The following NDRG2 variants were observed in gnomAD, a reference collection of about 807,000 sequenced individuals.
NDRG2 encodes the protein protein NDRG2.
In NDRG2, 34 loss-of-function variants were observed where a neutral mutation model predicts 58.2. The observed-to-expected ratio is 0.58, with a 90% CI of 0.44 to 0.78. The LOEUF is 0.78. Among genes scored for constraint, NDRG2 ranks in the 30% least tolerant of loss-of-function variants. The probability of loss-of-function intolerance (pLI) is 0.00; values close to 1 mark genes in which losing one functional copy is unlikely to be tolerated. For synonymous variants in NDRG2, 187 were observed against 175.9 expected, an observed-to-expected ratio of 1.06 and a Z score of -0.50; for missense variants, 434 against 471.2, an observed-to-expected ratio of 0.92 and a Z score of 0.73.
chr14:21,062,227 G>T (rs1885998767), intron 1 of NDRG2, among the ~76,000 whole-genome samples: 1 of 152,214 alleles, frequency 6.6e-6, no homozygotes, highest in Non-Finnish European at 1.5e-5. Flanking sequence ...CTACAAGACC[G>T]ATTCATGTTC....
chr14:21,048,305 A>G (rs767622143), intron 1 of NDRG2: 5 of 152,170 alleles, frequency 3.3e-5, no homozygotes, highest in Non-Finnish European at 1.5e-5. Flanking sequence ...ACATCCACGG[A>G]GCCACAGGGA....
intron 1 of NDRG2, among the ~76,000 whole-genome samples, chr14:21,049,185 C>G (rs1169026908): frequency 6.6e-6 from 1 of 152,152 alleles, no homozygotes; most frequent in Non-Finnish European, 1.5e-5. Flanking sequence ...GTGACATTTC[C>G]AACTTCCCCT....
At chr14:21,026,889 C>T (rs1003856360), upstream of NDRG2, among the ~76,000 whole-genome samples, 1 of 152,232 alleles carries the variant, frequency 6.6e-6, no homozygotes, top group Non-Finnish European at 1.5e-5. Context: ...GCCAAAGGTG[C>T]GCAAGACAGG....
intron 1 of NDRG2, chr14:21,058,416 C>T: frequency 4.0e-6 from 5 of 1,263,606 alleles, no homozygotes; most frequent in Non-Finnish European, 5.6e-6. Context: ...GCTTTTCCTC[C>T]CTCCAGTTCG....
Position 21,018,058 on chromosome 14 carries a change from C to A in NDRG2, c.898-20G>T, listed in dbSNP as rs1395766721. ...GCCTGGCTGCGGAAGTAAGAAGAGG[C>A]GAGGGAGACGGTGAGATGAGGTTAG... On this transcript the variant is annotated intron_variant, in intron 14 of 15. Transcript: ENST00000556147. 7 of 1,611,960 alleles carry A rather than the reference C, an allele frequency of 4.3e-6. No homozygotes were observed. The highest frequency in any genetic ancestry group is 5.9e-6 in the Non-Finnish European group (7 of 1,178,092).
At chr14:21,032,184 T>C in intron 1 of NDRG2, 6 of 1,180,354 alleles carry the variant, frequency 5.1e-6, no homozygotes, top group Non-Finnish European at 7.5e-6. Context: ...AATCTCTGTC[T>C]GTGAGGGACA....
chr14:21,020,444 C>T (rs1879532040), intron 8 of NDRG2, 52 bp downstream of exon 8: 1 of 1,432,286 alleles, frequency 7.0e-7, no homozygotes, highest in Non-Finnish European at 9.7e-7. Flanking sequence ...CTAACTGGAT[C>T]CATACGAGGG....
At chr14:21,018,065 G>C in intron 14 of NDRG2, 27 bp from the exon 15 acceptor site, 2 of 1,611,108 alleles carry the variant, frequency 1.2e-6, no homozygotes, top group Non-Finnish European at 1.7e-6. Flanking sequence ...AGGCGAGGGA[G>C]ACGGTGAGAT....
intron 1 of NDRG2, among the ~76,000 whole-genome samples, chr14:21,041,646 A>G (rs1179701599): frequency 6.6e-6 from 1 of 152,238 alleles, no homozygotes; most frequent in Non-Finnish European, 1.5e-5. Context: ...CGAGAGCAGC[A>G]ACAGCATTTT....
intron 1 of NDRG2, among the ~76,000 whole-genome samples, chr14:21,045,015 G>A (rs1354801939): frequency 6.6e-6 from 1 of 152,192 alleles, no homozygotes; most frequent in Non-Finnish European, 1.5e-5. Flanking sequence ...TAGGATTCCA[G>A]GTAAAGATGT....
At chr14:21,034,155 G>C (rs1270787838) in intron 1 of NDRG2, 2 of 1,614,108 alleles carry the variant, frequency 1.2e-6, no homozygotes, top group Non-Finnish European at 1.7e-6. Flanking sequence ...GAAACCCTTT[G>C]GGTAGTTAAC....
intron 1 of NDRG2, chr14:21,033,462 T>TGGTGTGA (rs1159968816): frequency 3.1e-6 from 1 of 317,688 alleles, no homozygotes; most frequent in Non-Finnish European, 6.0e-6. Flanking sequence ...CCTGTTGCCA[T>TGGTGTGA]GGTGTGAGCT....
intron 1 of NDRG2, among the ~76,000 whole-genome samples, chr14:21,069,544 A>C (rs1423421235): frequency 6.6e-6 from 1 of 152,210 alleles, no homozygotes; most frequent in Non-Finnish European, 1.5e-5. Flanking sequence ...CCCCTACATA[A>C]GCATCCCGAT....
At position 21,019,125 on chromosome 14, in the gene NDRG2, A is replaced by G. The variant is rs1248012753; in HGVS notation, c.752T>C (p.Ile251Thr). The G allele has an allele frequency of 6.2e-7, 1 of 1,611,086 alleles. No individual in the cohort carries two copies. Among genetic ancestry groups the G allele is most frequent in the Admixed American group, 1.7e-5 (1 of 59,094 alleles). The change falls in exon 11 of 16, where the codon ATC becomes ACC. Residue 251 changes from isoleucine (I) to threonine (T), a missense_variant. By Grantham distance (89) the Ile-to-Thr change is moderately conservative. Coordinates refer to ENST00000556147, the MANE Select transcript of NDRG2 (RefSeq NM_001320329.2). ...RDLNFERGGD[I>T]TLRCPVMLVV... is the part of the protein sequence containing the mutation. ...TCTCTTAAAGTCTTACCTGAGGGTG[A>G]TATCACCTCCACGCTCAAAGTTCAG...
At chr14:21,032,444 A>T (rs1048147720) in intron 1 of NDRG2, 2 of 411,886 alleles carry the variant, frequency 4.9e-6, no homozygotes, top group Non-Finnish European at 9.6e-6. Context: ...CCCACCCCTC[A>T]AAAGGGTGTA....
At chr14:21,047,002 A>C (rs1885202261) in intron 1 of NDRG2, 1 of 152,320 alleles carries the variant, frequency 6.6e-6, no homozygotes, top group Admixed American at 6.5e-5. Context: ...GAAAATTTGA[A>C]TGTAAGTGGA....
chr14:21,028,610 G>A (rs1343172141), upstream of NDRG2: 6 of 152,188 alleles, frequency 3.9e-5, no homozygotes, highest in East Asian at 1.2e-3. Context: ...AAAAGATTTA[G>A]CAATGAGAAG....
At chr14:21,043,411 A>ATTCCACCT in intron 1 of NDRG2, 1 of 1,611,432 alleles carries the variant, frequency 6.2e-7, no homozygotes, top group South Asian at 1.1e-5. Context: ...CCCCAGAAAA[A>ATTCCACCT]GGACTCTCAG....
At chr14:21,021,352 C>G (rs1352788557) in intron 6 of NDRG2, 1 of 338,166 alleles carries the variant, frequency 3.0e-6, no homozygotes, top group African/African-American at 2.1e-5. Flanking sequence ...AGAACAGCAC[C>G]CAGGGGCCAG....
Sources: gnomAD v4.1 joint callset for allele counts (sites outside exome capture counted in the v4.1 genomes callset) on GRCh38, gnomAD v4.1.1 for gene constraint, MANE v1.5 for transcripts, NCBI Gene and HGNC (gene_info 2026-07-23, HGNC 2026-07-21) for gene names.